Variants in TMEM131 observed in about 807,000 individuals in gnomAD.
TMEM131 encodes transmembrane protein 131, also known as 2610524E03Rik.
TMEM131 carries 66 observed loss-of-function variants against 211.6 expected under a neutral mutation model. The ratio of observed to expected loss-of-function variants is 0.31; its 90% CI spans 0.26 to 0.38. TMEM131 has a LOEUF of 0.38. TMEM131 is among the 10% of genes least tolerant of loss of function. The pLI, the probability that TMEM131 is intolerant of heterozygous loss-of-function variation, is 1.00. For missense variants in TMEM131, 2,036 were observed against 2,299.3 expected (o/e 0.89, Z 2.34); for synonymous variants, 844 against 841.3 (o/e 1.00, Z -0.06).
chr2:97,782,799 A>C (rs1238526234), intron 31 of TMEM131, among the ~76,000 whole-genome samples: 2 of 151,750 alleles, frequency 1.3e-5, no homozygotes, highest in Non-Finnish European at 2.9e-5. Flanking sequence ...AAATGGACTA[A>C]AAAAAAAGAA....
chr2:97,920,970 AGTGT>A (rs57343769), intron 2 of TMEM131, among the ~76,000 whole-genome samples: 43,375 of 146,576 alleles, frequency 0.3, 7,466 homozygotes, highest in Non-Finnish European at 0.38. Flanking sequence ...AAAAATCCCG[AGTGT>A]GTGTGTGTGT....
intron 4 of TMEM131, among the ~76,000 whole-genome samples, chr2:97,866,118 G>A (rs543368039): frequency 2.4e-4 from 37 of 152,310 alleles, no homozygotes; most frequent in Non-Finnish European, 3.4e-4. Context: ...TCCTGACCTC[G>A]TGATCCGCCT....
At chr2:97,850,834 T>A (rs148425113) in intron 5 of TMEM131, among the ~76,000 whole-genome samples, 1,821 of 152,290 alleles carry the variant, frequency 0.012, 40 homozygotes, top group African/African-American at 0.041. Context: ...TGAAAATGTA[T>A]CCAGAGGAAA....
chr2:97,758,593 C>T (rs1208539188), intron 40 of TMEM131, among the ~76,000 whole-genome samples: 2 of 152,200 alleles, frequency 1.3e-5, no homozygotes, highest in Admixed American at 6.5e-5. Flanking sequence ...GGTCCATTTA[C>T]AGGTTGGGAA....
chr2:97,940,129 CT>C (rs1373205638), intron 1 of TMEM131, among the ~76,000 whole-genome samples: 6 of 152,182 alleles, frequency 3.9e-5, no homozygotes, highest in Admixed American at 2.0e-4. Context: ...GGGATGCCCT[CT>C]CTCACCACTC....
intron 3 of TMEM131, among the ~76,000 whole-genome samples, chr2:97,892,120 T>C (rs990364949): frequency 1.3e-5 from 2 of 152,214 alleles, no homozygotes; most frequent in Non-Finnish European, 2.9e-5. Flanking sequence ...TAATTTGCAC[T>C]TCCCTAATGA....
chr2:97,935,032 T>G (rs773536923), intron 1 of TMEM131, among the ~76,000 whole-genome samples: 1 of 151,996 alleles, frequency 6.6e-6, no homozygotes, highest in Admixed American at 6.6e-5. Context: ...CATTCAAAAT[T>G]AAAAACTTTG....
At chr2:97,802,323 T>C in intron 24 of TMEM131, 105 bp downstream of exon 24, 1 of 893,518 alleles carries the variant, frequency 1.1e-6, no homozygotes, top group Non-Finnish European at 1.7e-6. Flanking sequence ...GAACTTCTCG[T>C]CAAATCTATT....
chr2:97,902,444 G>A (rs976099095), intron 3 of TMEM131, among the ~76,000 whole-genome samples: 5 of 152,170 alleles, frequency 3.3e-5, no homozygotes, highest in Non-Finnish European at 7.4e-5. Flanking sequence ...AAACAGAATA[G>A]ACAGAACACT....
chr2:97,927,500 C>G lies in TMEM131; in HGVS notation c.188-13G>C. 6.5e-7 allele frequency: 1 copy of G among 1,548,030 alleles called. No homozygotes were observed. Among genetic ancestry groups the G allele is most frequent in the Non-Finnish European group, 8.7e-7 (1 of 1,150,736 alleles). ...GACTGAACGAATGCTGTGAAGAAAA[C>G]AAAACATACCATCACTTACAGGAAC... is the stretch of plus-strand genomic sequence containing the variant. On this transcript the variant is annotated splice_polypyrimidine_tract_variant and intron_variant, in intron 1 of 40. Transcript: ENST00000186436.
At chr2:97,834,729 A>G (rs1419219006) in intron 9 of TMEM131, 46 bp downstream of exon 9, 1 of 1,608,388 alleles carries the variant, frequency 6.2e-7, no homozygotes, top group South Asian at 1.1e-5. Context: ...AGAGTAAGCT[A>G]TACTGAAAAC....
intron 18 of TMEM131, 70 bp from the exon 19 acceptor site, chr2:97,809,844 A>C: frequency 1.5e-6 from 2 of 1,292,960 alleles, no homozygotes; most frequent in Non-Finnish European, 2.2e-6. Flanking sequence ...CTATTGCATT[A>C]TATTTTGGGG....
At chr2:97,790,616 T>C (rs1306313275) in intron 31 of TMEM131, among the ~76,000 whole-genome samples, 2 of 152,252 alleles carry the variant, frequency 1.3e-5, no homozygotes, top group Non-Finnish European at 2.9e-5. Context: ...AGGAATGAGG[T>C]AGTCAATTTG....
At position 97,981,028 on chromosome 2, in the gene TMEM131, C is replaced by CAAAAAAAAAAAAAAAAAAAAAAAAAA. The variant is rs57606185; in HGVS notation, c.187+14422_187+14447dup. 4.5e-4 allele frequency among the ~76,000 whole-genome samples: 17 copies of CAAAAAAAAAAAAAAAAAAAAAAAAAA among 37,972 alleles called. 2 individuals are homozygous for CAAAAAAAAAAAAAAAAAAAAAAAAAA. Among genetic ancestry groups the CAAAAAAAAAAAAAAAAAAAAAAAAAA allele is most frequent in the Non-Finnish European group, 5.1e-4 (11 of 21,682 alleles). 24.9% of individuals were successfully genotyped at this position (37,972 alleles called of 152,430 possible). A position where few individuals can be genotyped will look rare whatever the true frequency, so the allele number is the denominator to read the frequency against. On this transcript the variant is annotated intron_variant, in intron 1 of 40. Transcript: ENST00000186436. ...TGCTGAAACTCACAGAACTACACAC[C>CAAAAAAAAAAAAAAAAAAAAAAAAAA]AAAAAAAAAAAAAAAAAAAAAAAAA...
intron 33 of TMEM131, among the ~76,000 whole-genome samples, chr2:97,771,030 C>T (rs910601946): frequency 6.6e-6 from 1 of 152,136 alleles, no homozygotes; most frequent in Non-Finnish European, 1.5e-5. Context: ...AGGTGGATTT[C>T]TCTCAGGAGA....
At chr2:97,950,194 G>A (rs1678242509) in intron 1 of TMEM131, among the ~76,000 whole-genome samples, 1 of 152,112 alleles carries the variant, frequency 6.6e-6, no homozygotes, top group African/African-American at 2.4e-5. Context: ...CATTAAAGCA[G>A]TGAATGGAAA....
chr2:97,924,409 G>A (rs1335436756), intron 2 of TMEM131, among the ~76,000 whole-genome samples: 4 of 152,146 alleles, frequency 2.6e-5, no homozygotes, highest in African/African-American at 9.7e-5. Context: ...AGTCAGCTGT[G>A]GAGCTCCGTA....
intron 1 of TMEM131, among the ~76,000 whole-genome samples, chr2:97,943,087 AAGAAAGAAAGAAAG>A (rs1185453188): frequency 3.5e-4 from 51 of 143,974 alleles, no homozygotes; most frequent in Admixed American, 9.9e-4. Context: ...GAAAGAAAGA[AAGAAAGAAAGAAAG>A]AGCTGGGTGT....
intron 2 of TMEM131, chr2:97,912,999 C>A (rs1400738367): frequency 6.6e-6 from 1 of 152,118 alleles, no homozygotes; most frequent in Non-Finnish European, 1.5e-5. Flanking sequence ...GGTTCTCAAC[C>A]GAGGGCAATT....
Sources: allele counts gnomAD v4.1 joint callset (sites outside exome capture counted in the v4.1 genomes callset), GRCh38; gene constraint gnomAD v4.1.1; transcripts MANE v1.5; gene names NCBI Gene and HGNC (gene_info 2026-07-23, HGNC 2026-07-21).